The following STK39 variants were observed in gnomAD, a reference collection of about 807,000 sequenced individuals.
The protein encoded by STK39 is STE20/SPS1-related proline-alanine-rich protein kinase.
A neutral mutation model predicts 77.8 loss-of-function variants in STK39; 20 were observed. That is an observed-to-expected ratio of 0.26 (90% CI 0.18 to 0.37). STK39 has a LOEUF of 0.37. Among genes scored for constraint, STK39 ranks in the 10% least tolerant of loss-of-function variants. The probability of loss-of-function intolerance (pLI) is 1.00; values close to 1 mark genes in which losing one functional copy is unlikely to be tolerated. For synonymous variants in STK39, 246 were observed against 234.1 expected, an observed-to-expected ratio of 1.05 and a Z score of -0.47; for missense variants, 479 against 656.5, an observed-to-expected ratio of 0.73 and a Z score of 2.95.
At chr2:168,072,436 C>A (rs774511806) in intron 12 of STK39, among the ~76,000 whole-genome samples, 10 of 152,176 alleles carry the variant, frequency 6.6e-5, no homozygotes, top group Non-Finnish European at 1.5e-4. Context: ...ATTACAACTT[C>A]CCACCACACT....
At chr2:168,210,230 CTG>C (rs1689857139) in intron 1 of STK39, among the ~76,000 whole-genome samples, 1 of 152,148 alleles carries the variant, frequency 6.6e-6, no homozygotes, top group Non-Finnish European at 1.5e-5. Context: ...ATATTGGAAA[CTG>C]ACACTTTTCA....
intron 10 of STK39, among the ~76,000 whole-genome samples, chr2:168,113,500 TATAA>T (rs1166644496): frequency 1.3e-5 from 2 of 152,164 alleles, no homozygotes; most frequent in African/African-American, 4.8e-5. Context: ...AAAAGAGAAT[TATAA>T]ATGACAGTGA....
chr2:168,033,069 C>G (rs1184247413), intron 14 of STK39, among the ~76,000 whole-genome samples: 3 of 152,162 alleles, frequency 2.0e-5, no homozygotes, highest in African/African-American at 4.8e-5. Flanking sequence ...TGGCACAGGT[C>G]TGCCAACATA....
chr2:168,031,198 G>A (rs959358712), intron 14 of STK39, among the ~76,000 whole-genome samples: 5 of 152,136 alleles, frequency 3.3e-5, no homozygotes, highest in Non-Finnish European at 4.4e-5. Flanking sequence ...CTCCCAGAAG[G>A]GCAAGGGTAC....
intron 12 of STK39, among the ~76,000 whole-genome samples, chr2:168,071,200 G>A (rs974644881): frequency 3.3e-5 from 5 of 152,032 alleles, no homozygotes; most frequent in African/African-American, 1.2e-4. Flanking sequence ...TATGTCTTCT[G>A]ATCCCTTGAA....
chr2:168,044,700 A>G (rs551934016), intron 14 of STK39, among the ~76,000 whole-genome samples: 3 of 152,338 alleles, frequency 2.0e-5, no homozygotes, highest in Admixed American at 6.5e-5. Flanking sequence ...GGCAAACCCA[A>G]GGGAACCAGT....
intron 16 of STK39, among the ~76,000 whole-genome samples, chr2:167,984,471 G>A (rs1683506345): frequency 6.6e-6 from 1 of 152,198 alleles, no homozygotes; most frequent in Non-Finnish European, 1.5e-5. Context: ...GAGCTGCACT[G>A]AAGCGGTCCA....
intron 16 of STK39, among the ~76,000 whole-genome samples, chr2:167,983,765 G>A (rs1414834396): frequency 2.0e-5 from 3 of 152,082 alleles, no homozygotes; most frequent in Non-Finnish European, 4.4e-5. Flanking sequence ...CATGCCCCAG[G>A]TCTTTCTCCC....
At chr2:168,062,916 ATAAT>A (rs891873293) in intron 14 of STK39, among the ~76,000 whole-genome samples, 2 of 152,208 alleles carry the variant, frequency 1.3e-5, no homozygotes, top group African/African-American at 4.8e-5. Flanking sequence ...GAACCTTTAA[ATAAT>A]TAAAAAAAAA....
At chr2:168,113,497 A>T (rs1463924216) in intron 10 of STK39, among the ~76,000 whole-genome samples, 1 of 152,230 alleles carries the variant, frequency 6.6e-6, no homozygotes, top group Non-Finnish European at 1.5e-5. Context: ...GAAAAAAGAG[A>T]ATTATAAATG....
intron 8 of STK39, among the ~76,000 whole-genome samples, 184 bp downstream of exon 8, chr2:168,137,904 C>T (rs1246802005): frequency 6.6e-6 from 1 of 152,196 alleles, no homozygotes; most frequent in Non-Finnish European, 1.5e-5. Flanking sequence ...GTTCTTCACC[C>T]ACTTCTTTCC....
chr2:168,176,428 A>G (rs1688957790), intron 2 of STK39, among the ~76,000 whole-genome samples: 1 of 152,192 alleles, frequency 6.6e-6, no homozygotes, highest in Admixed American at 6.5e-5. Context: ...GTTAGGAATA[A>G]CAGTTCTTCT....
intron 16 of STK39, among the ~76,000 whole-genome samples, chr2:167,989,981 G>A (rs1251622481): frequency 6.6e-6 from 1 of 152,036 alleles, no homozygotes; most frequent in African/African-American, 2.4e-5. Flanking sequence ...CTTAATGTGA[G>A]CTATAACACA....
intron 8 of STK39, 31 bp downstream of exon 8, chr2:168,138,057 G>A (rs753055739): frequency 1.2e-6 from 2 of 1,608,860 alleles, no homozygotes; most frequent in Non-Finnish European, 8.5e-7. Context: ...CTCAAACCAG[G>A]TCATTAACTC....
At chr2:168,137,995 T>C in intron 8 of STK39, 93 bp downstream of exon 8, 1 of 1,481,554 alleles carries the variant, frequency 6.7e-7, no homozygotes, top group South Asian at 1.5e-5. Context: ...GAAATACCTT[T>C]CCAGTGTCCT....
intron 1 of STK39, among the ~76,000 whole-genome samples, chr2:168,194,952 G>A (rs941231601): frequency 1.4e-4 from 22 of 152,150 alleles, no homozygotes; most frequent in African/African-American, 5.1e-4. Context: ...TCTCTAACTA[G>A]AAGCAGATGG....
chr2:168,037,622 T>C (rs987927021), intron 14 of STK39, among the ~76,000 whole-genome samples: 6 of 152,100 alleles, frequency 3.9e-5, no homozygotes, highest in Non-Finnish European at 8.8e-5. Context: ...GTGTAAAAAT[T>C]ACCACAAGAT....
chr2:168,174,083 T>C (rs919648740), intron 2 of STK39, among the ~76,000 whole-genome samples: 3 of 152,190 alleles, frequency 2.0e-5, no homozygotes, highest in African/African-American at 7.2e-5. Flanking sequence ...GGTTTACAAA[T>C]GGGAACTAGG....
chr2:168,222,203 T>G (rs1574569204), intron 1 of STK39, among the ~76,000 whole-genome samples: 1 of 152,208 alleles, frequency 6.6e-6, no homozygotes, highest in Non-Finnish European at 1.5e-5. Flanking sequence ...TCTCTCTCCC[T>G]GCTATAATGA....
Sources: gnomAD v4.1 joint callset for allele counts (sites outside exome capture counted in the v4.1 genomes callset) on GRCh38, gnomAD v4.1.1 for gene constraint, MANE v1.5 for transcripts, NCBI Gene and HGNC (gene_info 2026-07-23, HGNC 2026-07-21) for gene names.